The following COL6A6 variants were observed in gnomAD, a reference collection of about 807,000 sequenced individuals.
COL6A6 encodes the protein collagen type VI alpha 6 chain, also known as collagen alpha-6(VI) chain.
In COL6A6, 183 loss-of-function variants were observed where a neutral mutation model predicts 208.6. The observed-to-expected ratio is 0.88, with a 90% CI of 0.78 to 0.99. The LOEUF is 0.99. Among genes scored for constraint, COL6A6 ranks in the 50% least tolerant of loss-of-function variants. The pLI, the probability that COL6A6 is intolerant of heterozygous loss-of-function variation, is 0.00. For synonymous variants in COL6A6, 973 were observed against 1,011.8 expected, an observed-to-expected ratio of 0.96 and a Z score of 0.73; for missense variants, 2,816 against 2,815.2, an observed-to-expected ratio of 1.00 and a Z score of -0.01.
At chr3:130,634,242 T>TAAAAAAAAAAAAA (rs202193097) in intron 26 of COL6A6, among the ~76,000 whole-genome samples, 2 of 23,806 alleles carry the variant, frequency 8.4e-5, no homozygotes, top group African/African-American at 5.8e-4. Context: ...AATAAATAAA[T>TAAAAAAAAAAAAA]AAAAAAAAAA....
rs764325481 is a variant in COL6A6 at position 130,568,256 on chromosome 3, A to G, written c.2053A>G (p.Ile685Val). Residue 685 changes from isoleucine to valine, a missense_variant, in exon 6 of 37, where the codon ATT (isoleucine) becomes GTT (valine). Ile to Val is a conservative substitution (Grantham distance 29). Coordinates refer to ENST00000358511, the MANE Select transcript of COL6A6 (RefSeq NM_001102608.3). ...CAACAGATTCATGTCCCAAAGCGAC[A>G]TTTCAAATGCAATAGACCAAATGGC... Reference protein sequence around the residue: ...QLNRFMSQSDISNAIDQMAHI... With the variant: ...QLNRFMSQSDVSNAIDQMAHI... The G allele has an allele frequency of 2.2e-5, 36 of 1,613,928 alleles. No individual in the cohort carries two copies. The highest frequency in any genetic ancestry group is 3.1e-5 in the Non-Finnish European group (36 of 1,179,906).
At chr3:130,570,061 C>T (rs936642389) in intron 6 of COL6A6, among the ~76,000 whole-genome samples, 2 of 152,194 alleles carry the variant, frequency 1.3e-5, no homozygotes, top group African/African-American at 4.8e-5. Context: ...TACAATTCCC[C>T]TTCTCCAGAA....
At position 130,565,696 on chromosome 3, in the gene COL6A6, CTTGGGAAGATGTGG is replaced by C. The variant is rs1473363423; in HGVS notation, c.1282+83_1282+96del. 2.8e-6 allele frequency: 4 copies of C among 1,434,722 alleles called. No individual in the cohort carries two copies. In the African/African-American group the frequency reaches 5.7e-5, roughly 21 times the overall value. The allele number at this position is 1,434,722 out of a possible 1,614,324, so 88.9% of individuals were successfully genotyped here. ...ATATTCTGTATACAAAGTGGATTGG[CTTGGGAAGATGTGG>C]ATGGGAAGGATAAGTTCCTAATTCT... On this transcript the variant is annotated intron_variant, in intron 4 of 36. Coordinates refer to ENST00000358511, the MANE Select transcript of COL6A6 (RefSeq NM_001102608.3).
chr3:130,620,471 C>A (rs1014609673), intron 23 of COL6A6, among the ~76,000 whole-genome samples: 10 of 151,852 alleles, frequency 6.6e-5, no homozygotes, highest in Admixed American at 3.9e-4. Context: ...AAGGTGAGGG[C>A]AAAAAAGTGT....
intron 34 of COL6A6, 136 bp downstream of exon 34, chr3:130,658,908 C>G: frequency 3.2e-6 from 2 of 626,472 alleles, no homozygotes; most frequent in South Asian, 1.9e-5. Flanking sequence ...TGGGCCCACC[C>G]TGTCACACTT....
rs1387808206 is a variant in COL6A6, at chr3:130,606,913, C to T, written c.4654-18C>T. 2 of 1,600,968 alleles carry T rather than the reference C, an allele frequency of 1.2e-6. No homozygotes were observed. The highest frequency in any genetic ancestry group is 1.7e-5 in the Admixed American group (1 of 57,336). ...ATTTTTTCTGAATTAATGATATCCACCTTTTCTTCTATTTTAGGCAGCTCA... is the reference window on the plus strand; with the variant it reads ...ATTTTTTCTGAATTAATGATATCCATCTTTTCTTCTATTTTAGGCAGCTCA... On this transcript the variant is annotated intron_variant, in intron 20 of 36. Transcript: ENST00000358511.
chr3:130,536,370 G>A (rs1385076554), intron 1 of COL6A6, among the ~76,000 whole-genome samples: 2 of 152,172 alleles, frequency 1.3e-5, no homozygotes, highest in Non-Finnish European at 2.9e-5. Context: ...GTCAGGCACT[G>A]TTCCAGACTC....
At chr3:130,621,793 T>C (rs2064725779) in intron 23 of COL6A6, 28 bp from the exon 24 acceptor site, 1 of 1,606,200 alleles carries the variant, frequency 6.2e-7, no homozygotes, top group Non-Finnish European at 8.5e-7. Context: ...TGTTTTGCTA[T>C]ATTTGCAAAC....
chr3:130,546,870 G>C (rs1435002131), intron 1 of COL6A6, among the ~76,000 whole-genome samples: 1 of 151,672 alleles, frequency 6.6e-6, no homozygotes, highest in African/African-American at 2.4e-5. Context: ...AGATTAGCTA[G>C]ACACAGAGCA....
At chr3:130,660,658 T>C (rs79780123) in intron 34 of COL6A6, among the ~76,000 whole-genome samples, 5,999 of 152,320 alleles carry the variant, frequency 0.039, 397 homozygotes, top group African/African-American at 0.14. Context: ...TTTACAGAAC[T>C]ATGCTGAACT....
At chr3:130,564,195 A>G (rs2062963237) in intron 3 of COL6A6, among the ~76,000 whole-genome samples, 1 of 152,220 alleles carries the variant, frequency 6.6e-6, no homozygotes, top group Non-Finnish European at 1.5e-5. Context: ...CTAACAGGCC[A>G]GATCTCCCAA....
At chr3:130,643,090 A>G (rs1047909615) in intron 31 of COL6A6, 67 bp downstream of exon 31, 1 of 1,522,404 alleles carries the variant, frequency 6.6e-7, no homozygotes, top group Non-Finnish European at 9.0e-7. Flanking sequence ...AGAGAAACCT[A>G]CACTCAGAAT....
At chr3:130,585,451 C>CT (rs1448819358) in intron 10 of COL6A6, among the ~76,000 whole-genome samples, 1 of 152,192 alleles carries the variant, frequency 6.6e-6, no homozygotes, top group Non-Finnish European at 1.5e-5. Context: ...ATGTAAAGCA[C>CT]TTAACCATTT....
At chr3:130,596,785 T>C (rs1161704768) in intron 18 of COL6A6, among the ~76,000 whole-genome samples, 3 of 152,184 alleles carry the variant, frequency 2.0e-5, no homozygotes, top group East Asian at 1.9e-4. Context: ...GTTGTGCACA[T>C]GTACCCTAAA....
intron 33 of COL6A6, among the ~76,000 whole-genome samples, chr3:130,656,839 G>A (rs1466624533): frequency 6.6e-6 from 1 of 152,218 alleles, no homozygotes; most frequent in Non-Finnish European, 1.5e-5. Flanking sequence ...TGTCAGCACT[G>A]CCCATGGTGT....
intron 13 of COL6A6, among the ~76,000 whole-genome samples, chr3:130,591,406 C>T (rs149849349): frequency 2.4e-4 from 37 of 152,306 alleles, no homozygotes; most frequent in African/African-American, 8.2e-4. Context: ...TAAACCAACT[C>T]ACCACATTGT....
At chr3:130,646,625 T>TC (rs1347013051) in intron 32 of COL6A6, among the ~76,000 whole-genome samples, 1 of 152,110 alleles carries the variant, frequency 6.6e-6, no homozygotes, top group Non-Finnish European at 1.5e-5. Context: ...ATAGGGAACT[T>TC]TAAGTGCAAA....
In COL6A6 at chr3:130,642,818, G is replaced by A. The variant is rs879096526; in HGVS notation, c.5155-14G>A. ...TCTAGAGGCATTAAAACAATGTTTT[G>A]TTTGTTTTCCTAGGGTGTGAAAGGA... On this transcript the variant is annotated splice_polypyrimidine_tract_variant and intron_variant, in intron 29 of 36. Transcript: ENST00000358511. 1.9e-6 allele frequency: 3 copies of A among 1,611,468 alleles called. No homozygotes were observed. Among genetic ancestry groups the A allele is most frequent in the East Asian group, 4.5e-5 (2 of 44,888 alleles).
intron 1 of COL6A6, among the ~76,000 whole-genome samples, chr3:130,520,125 C>T (rs193151731): frequency 7.2e-5 from 11 of 152,206 alleles, no homozygotes; most frequent in Admixed American, 5.9e-4. Context: ...GAGACTTTTC[C>T]GTGAGGGTCA....
Sources: allele counts gnomAD v4.1 joint callset (sites outside exome capture counted in the v4.1 genomes callset), GRCh38; gene constraint gnomAD v4.1.1; transcripts MANE v1.5; gene names NCBI Gene and HGNC (gene_info 2026-07-23, HGNC 2026-07-21).